Variants in RBMS1 observed in about 807,000 individuals in gnomAD.
The protein encoded by RBMS1 is RNA-binding motif, single-stranded-interacting protein 1.
Under a neutral mutation model 62.3 loss-of-function variants are expected in RBMS1, and 17 were observed. The observed-to-expected ratio is 0.27, with a 90% CI of 0.19 to 0.41. The LOEUF is 0.41. RBMS1 is among the 10% of genes least tolerant of loss of function. RBMS1 has a pLI of 1.00. For missense variants in RBMS1, 334 were observed against 504.5 expected, an observed-to-expected ratio of 0.66 and a Z score of 3.24; for synonymous variants, 172 against 170.0, an observed-to-expected ratio of 1.01 and a Z score of -0.09.
chr2:160,289,444 G>C (rs1688569154), intron 6 of RBMS1, among the ~76,000 whole-genome samples: 1 of 152,134 alleles, frequency 6.6e-6, no homozygotes. Context: ...CTTGTTTCAG[G>C]GAAATGGGAG....
At chr2:160,437,593 T>C (rs899983207) in intron 1 of RBMS1, among the ~76,000 whole-genome samples, 1 of 152,210 alleles carries the variant, frequency 6.6e-6, no homozygotes, top group Non-Finnish European at 1.5e-5. Flanking sequence ...TCCGTAGCAA[T>C]ATGAACAAAG....
At chr2:160,462,571 T>G (rs1405539961) in intron 1 of RBMS1, among the ~76,000 whole-genome samples, 3 of 152,174 alleles carry the variant, frequency 2.0e-5, no homozygotes, top group African/African-American at 7.2e-5. Context: ...AATAGAAACT[T>G]TAAGCAAAAG....
At chr2:160,314,776 A>G (rs1690119171) in intron 3 of RBMS1, among the ~76,000 whole-genome samples, 1 of 152,224 alleles carries the variant, frequency 6.6e-6, no homozygotes. Context: ...CAAAAGGAAG[A>G]GGTTGATCTA....
At position 160,278,583 on chromosome 2, in the gene RBMS1, G is replaced by C. The variant is rs1687951639; in HGVS notation, c.1027C>G (p.Gln343Glu). The C allele has an allele frequency of 6.2e-7, 1 of 1,613,522 alleles. No homozygotes were observed. The highest frequency in any genetic ancestry group is 8.5e-7 in the Non-Finnish European group (1 of 1,179,722). ...PASMISPLAQ[Q>E]MSHLSLGSTG... is the part of the protein sequence containing the mutation. ...CTGCCTAGTGACAGATGACTCATCT[G>C]CTGGGCCAGAGGGCTGATCATTGAT... Residue 343 changes from glutamine (Q) to glutamate (E), a missense_variant, in exon 11 of 14, where the codon CAG becomes GAG. Physicochemically the swap from Gln to Glu is conservative, Grantham distance 29. Coordinates refer to ENST00000348849, the MANE Select transcript of RBMS1 (RefSeq NM_016836.4).
chr2:160,423,983 A>G (rs1696537546), intron 1 of RBMS1, among the ~76,000 whole-genome samples: 1 of 151,222 alleles, frequency 6.6e-6, no homozygotes, highest in Non-Finnish European at 1.5e-5. Flanking sequence ...GTTATTTAAA[A>G]TTTATTGACT....
intron 1 of RBMS1, among the ~76,000 whole-genome samples, chr2:160,461,882 G>C (rs1684479571): frequency 6.6e-6 from 1 of 152,322 alleles, no homozygotes; most frequent in South Asian, 2.1e-4. Flanking sequence ...AGCCATTGAA[G>C]TGGCCATTTG....
At chr2:160,384,176 G>A (rs1423418696) in intron 1 of RBMS1, among the ~76,000 whole-genome samples, 4 of 152,216 alleles carry the variant, frequency 2.6e-5, no homozygotes, top group South Asian at 2.1e-4. Flanking sequence ...CAGCCTGGGC[G>A]AGGGAGCGAG....
At chr2:160,338,010 A>G (rs534650641) in intron 2 of RBMS1, among the ~76,000 whole-genome samples, 2 of 152,272 alleles carry the variant, frequency 1.3e-5, no homozygotes, top group East Asian at 3.9e-4. Flanking sequence ...TGTCCCAGTT[A>G]GCATACAACA....
intron 5 of RBMS1, 139 bp from the exon 6 acceptor site, chr2:160,300,869 T>G: frequency 1.1e-6 from 1 of 943,100 alleles, no homozygotes; most frequent in Non-Finnish European, 1.5e-6. Flanking sequence ...ATAAAGGGTC[T>G]ATTCTACCTT....
Position 160,381,677 on chromosome 2 carries a change from T to C in RBMS1, c.76-14286A>G, listed in dbSNP as rs545554726. The stretch of plus-strand genomic sequence containing the variant: ...CAGTTTCACCATACTGGGGGCTTTG[T>C]TTGATAGAGAACTACTCTATGAGGC... On this transcript the variant is annotated intron_variant, in intron 1 of 13. Coordinates refer to ENST00000348849, the MANE Select transcript of RBMS1 (RefSeq NM_016836.4). Among the ~76,000 whole-genome samples the C allele has an allele frequency of 2.0e-5, 3 of 152,270 alleles. No individual in the cohort carries two copies. In the East Asian group the frequency reaches 5.8e-4, roughly 29 times the overall value.
At chr2:160,473,532 A>G (rs1370221481) in intron 1 of RBMS1, among the ~76,000 whole-genome samples, 1 of 152,216 alleles carries the variant, frequency 6.6e-6, no homozygotes, top group East Asian at 1.9e-4. Flanking sequence ...AACATAGGAT[A>G]AAAGGTAGTA....
intron 1 of RBMS1, among the ~76,000 whole-genome samples, chr2:160,473,615 C>A (rs1351705493): frequency 3.9e-5 from 6 of 152,178 alleles, no homozygotes; most frequent in Non-Finnish European, 8.8e-5. Context: ...ACATTCCAGA[C>A]TTCCATCTTA....
intron 2 of RBMS1, among the ~76,000 whole-genome samples, chr2:160,331,545 G>A (rs1691273778): frequency 6.6e-6 from 1 of 152,160 alleles, no homozygotes; most frequent in Non-Finnish European, 1.5e-5. Context: ...TGAGGCCTCA[G>A]CATAGTGCCT....
At chr2:160,277,674 A>G (rs759044098) in intron 11 of RBMS1, 35 of 290,780 alleles carry the variant, frequency 1.2e-4, no homozygotes, top group Non-Finnish European at 2.2e-4. Context: ...GTCACTCTCA[A>G]TAATTCAGTA....
chr2:160,416,429 A>T (rs1312018520), intron 1 of RBMS1, among the ~76,000 whole-genome samples: 1 of 152,164 alleles, frequency 6.6e-6, no homozygotes, highest in Admixed American at 6.6e-5. Flanking sequence ...GAAGAAGTAG[A>T]TAACTTCTGA....
intron 1 of RBMS1, among the ~76,000 whole-genome samples, chr2:160,391,891 C>T (rs767379812): frequency 6.6e-6 from 1 of 151,526 alleles, no homozygotes; most frequent in African/African-American, 2.4e-5. Flanking sequence ...GGCAGGGAGG[C>T]GGAGGTTGCA....
intron 4 of RBMS1, among the ~76,000 whole-genome samples, chr2:160,305,285 G>A (rs1689439743): frequency 6.6e-6 from 1 of 152,158 alleles, no homozygotes; most frequent in African/African-American, 2.4e-5. Context: ...GCAACTTCCA[G>A]TCCTCTAAGC....
chr2:160,475,216 T>C (rs1559597757), intron 1 of RBMS1, among the ~76,000 whole-genome samples: 1 of 152,198 alleles, frequency 6.6e-6, no homozygotes, highest in Non-Finnish European at 1.5e-5. Context: ...TAAGCAGCCA[T>C]TCCTTTATTC....
At chr2:160,339,900 T>C (rs1254506693) in intron 2 of RBMS1, among the ~76,000 whole-genome samples, 1 of 152,212 alleles carries the variant, frequency 6.6e-6, no homozygotes, top group Non-Finnish European at 1.5e-5. Context: ...TGTAACTCTA[T>C]GTCCTCATCC....
Sources: gnomAD v4.1 joint callset for allele counts (sites outside exome capture counted in the v4.1 genomes callset) on GRCh38, gnomAD v4.1.1 for gene constraint, MANE v1.5 for transcripts, NCBI Gene and HGNC (gene_info 2026-07-23, HGNC 2026-07-21) for gene names.